The following OR4D1 variants were observed in gnomAD, a reference collection of about 807,000 sequenced individuals.
OR4D1 encodes the protein olfactory receptor 4D1.
OR4D1 carries 10 observed loss-of-function variants against 14.2 expected under a neutral mutation model. The ratio of observed to expected loss-of-function variants is 0.71; its 90% confidence interval spans 0.44 to 1.20. The LOEUF (loss-of-function observed/expected upper bound fraction) is 1.20, where lower values mean the gene tolerates loss of function less well. Ranked by LOEUF, OR4D1 falls within the 50% of genes most tolerant of loss-of-function variation. The pLI is 0.00. For missense variants in OR4D1, 345 were observed against 376.6 expected (o/e 0.92, Z 0.70); for synonymous variants, 141 against 147.4 (o/e 0.96, Z 0.32).
At chr17:58,150,159 A>ACTG (rs2143655337) in intron 2 of OR4D1, among the ~76,000 whole-genome samples, 1 of 152,318 alleles carries the variant, frequency 6.6e-6, no homozygotes, top group East Asian at 1.9e-4. Flanking sequence ...TACTACTACT[A>ACTG]TTAAGTGGCA....
Position 58,158,015 on chromosome 17 carries a change from G to T in OR4D1, c.*1929G>T. The T allele has an allele frequency of 9.7e-6, 4 of 411,620 alleles. No individual in the cohort carries two copies. Among genetic ancestry groups the T allele is most frequent in the Non-Finnish European group, 1.7e-5 (4 of 230,588 alleles). The allele number at this position is 411,620 out of a possible 1,614,324, so 25.5% of individuals were successfully genotyped here. On this transcript the variant is annotated 3_prime_UTR_variant, in exon 4 of 4. Transcript: ENST00000268912. ...TTGTTTTCTTGGTGTAATCTTCCAG[G>T]TGCCCCCTTCTCCTTTCACAAAGAT...
At chr17:58,154,131 A>AT (rs889376118) in intron 3 of OR4D1, among the ~76,000 whole-genome samples, 168 bp downstream of exon 3, 6 of 150,076 alleles carry the variant, frequency 4.0e-5, no homozygotes, top group East Asian at 2.0e-4. Flanking sequence ...TAATTTTTAA[A>AT]TTTTTTTTAT....
In OR4D1 at chr17:58,155,256, T is replaced by A. The variant is rs748254475; in HGVS notation, c.103T>A (p.Tyr35Asn). Residue 35 changes from tyrosine (Y) to asparagine (N), a missense_variant, in exon 4 of 4, where the codon TAT becomes AAT. Transcript: ENST00000268912. Reference sequence around the variant, plus strand: ...CCTGTTCCTTCTGTTCCTGTTAGTCTATGTTACCACCATTGTGGGAAACCT... The same window carrying A: ...CCTGTTCCTTCTGTTCCTGTTAGTCAATGTTACCACCATTGTGGGAAACCT... ...KFLFLLFLLV[Y>N]VTTIVGNLLI... 60 of 1,614,092 alleles carry A rather than the reference T, an allele frequency of 3.7e-5. No homozygotes were observed. In the Middle Eastern group the frequency reaches 2.3e-3, roughly 62 times the overall value.
rs71372828 is a variant in OR4D1 at position 58,155,807 on chromosome 17, T to C, written c.654T>C (p.Tyr218=). ...IIWFLLLLIS[Y]TVILVMLRSH... is the part of the protein sequence containing the mutation. The stretch of plus-strand genomic sequence containing the variant: ...GGTTCCTCCTCCTTCTGATCTCTTA[T>C]ACTGTCATCCTGGTGATGCTGAGGT... The change falls in exon 4 of 4, where the codon TAT becomes TAC. Residue 218 remains tyrosine, a synonymous_variant. Coordinates refer to ENST00000268912, the MANE Select transcript of OR4D1 (RefSeq NM_001386095.1). 2.5e-6 allele frequency: 4 copies of C among 1,614,186 alleles called. No individual in the cohort carries two copies. The highest frequency in any genetic ancestry group is 1.1e-5 in the South Asian group (1 of 91,082).
chr17:58,155,965 T>C lies in OR4D1; in HGVS notation c.812T>C (p.Val271Ala). ...PFTPFLMDKA[V>A]SISYTVMTPM... is the part of the protein sequence containing the mutation. Reference sequence around the variant, plus strand: ...ACCCCATTCCTCATGGACAAGGCTGTGTCCATCAGCTACACAGTCATGACC... The same window carrying C: ...ACCCCATTCCTCATGGACAAGGCTGCGTCCATCAGCTACACAGTCATGACC... Residue 271 changes from valine to alanine, a missense_variant, in exon 4 of 4, where the codon GTG becomes GCG. Coordinates refer to ENST00000268912, the MANE Select transcript of OR4D1 (RefSeq NM_001386095.1). The C allele has an allele frequency of 6.2e-7, 1 of 1,614,042 alleles. No homozygotes were observed. Among genetic ancestry groups the C allele is most frequent in the South Asian group, 1.1e-5 (1 of 91,072 alleles).
Position 58,155,888 on chromosome 17 carries a change from C to T in OR4D1, c.735C>T (p.Ile245=), listed in dbSNP as rs768307995. Residue 245 remains isoleucine (I), a synonymous_variant, in exon 4 of 4, where the codon ATC becomes ATT. Coordinates refer to ENST00000268912, the MANE Select transcript of OR4D1 (RefSeq NM_001386095.1). ...CTTCCACCTGCACCACCCACATCAT[C>T]GTGGTGTCCATGATCTTCATTCCCT... is the stretch of plus-strand genomic sequence containing the variant. The part of the protein sequence containing the change: ...KAASTCTTHI[I]VVSMIFIPCI... 15 of 1,614,008 alleles carry T rather than the reference C, an allele frequency of 9.3e-6. No homozygotes were observed. The highest frequency in any genetic ancestry group is 1.3e-5 in the Non-Finnish European group (15 of 1,179,996).
chr17:58,151,938 G>A (rs1008338131), intron 2 of OR4D1, among the ~76,000 whole-genome samples: 3 of 152,042 alleles, frequency 2.0e-5, no homozygotes, highest in African/African-American at 7.2e-5. Flanking sequence ...TATGGATTTG[G>A]CACATATTTT....
chr17:58,153,683 T>G (rs1967729554), intron 2 of OR4D1, among the ~76,000 whole-genome samples, 174 bp from the exon 3 acceptor site: 1 of 152,194 alleles, frequency 6.6e-6, no homozygotes, highest in Non-Finnish European at 1.5e-5. Flanking sequence ...GGATGGGGCC[T>G]TGGGACAAAT....
At chr17:58,152,257 G>A (rs182628731) in intron 2 of OR4D1, among the ~76,000 whole-genome samples, 4 of 152,128 alleles carry the variant, frequency 2.6e-5, no homozygotes, top group Non-Finnish European at 5.9e-5. Context: ...TGGCCGCCTC[G>A]GCCTCTCAAA....
In OR4D1 at chr17:58,158,324, A is replaced by G. The variant is rs1967804230; in HGVS notation, c.*2238A>G. 1 of 152,222 alleles carries G rather than the reference A, an allele frequency of 6.6e-6. No homozygotes were observed. The highest frequency in any genetic ancestry group is 1.9e-4 in the East Asian group (1 of 5,206). 9.4% of individuals were successfully genotyped at this position (152,222 alleles called of 1,614,324 possible). On this transcript the variant is annotated 3_prime_UTR_variant, in exon 4 of 4. Transcript: ENST00000268912. ...TATTAGAATTGGACATAATGCACAT[A>G]GAAAGTATTAGATATGGAGAGGTTT...
Position 58,153,908 on chromosome 17 carries a change from TCTC to T in OR4D1, c.-72_-70del, listed in dbSNP as rs1967733625. Among the ~76,000 whole-genome samples the T allele has an allele frequency of 6.6e-6, 1 of 152,156 alleles. No individual in the cohort carries two copies. Among genetic ancestry groups the T allele is most frequent in the African/African-American group, 2.4e-5 (1 of 41,428 alleles). ...CCATAATAGCTCACTGCAGCCTTGA[TCTC>T]CTGGGCTCAAGCAATCCTTCCACCT... On this transcript the variant is annotated 5_prime_UTR_variant, in exon 3 of 4. Transcript: ENST00000268912.
Position 58,156,223 on chromosome 17 carries a change from G to A in OR4D1, c.*137G>A, listed in dbSNP as rs1967771574. 2 of 641,650 alleles carry A rather than the reference G, an allele frequency of 3.1e-6. No homozygotes were observed. The highest frequency in any genetic ancestry group is 5.5e-5 in the East Asian group (2 of 36,508). 39.7% of individuals were successfully genotyped at this position (641,650 alleles called of 1,614,324 possible). A position where few individuals can be genotyped will look rare whatever the true frequency, so the allele number is the denominator to read the frequency against. On this transcript the variant is annotated 3_prime_UTR_variant, in exon 4 of 4. Coordinates refer to ENST00000268912, the MANE Select transcript of OR4D1 (RefSeq NM_001386095.1). ...TCTTGAGGACCTAGTGCTGTGTCAA[G>A]TACTGTGTTAAGCACTTCCACGCTT...
At position 58,153,295 on chromosome 17, in the gene OR4D1, C is replaced by A. The variant is rs1296288291; in HGVS notation, c.-126-562C>A. ...ATAAGCCCATTCTAACCCTGTTTTA[C>A]CACATCATTTCCTGCTGAAGAGCTT... is the stretch of plus-strand genomic sequence containing the variant. On this transcript the variant is annotated intron_variant, in intron 2 of 3. Coordinates refer to ENST00000268912, the MANE Select transcript of OR4D1 (RefSeq NM_001386095.1). Among the ~76,000 whole-genome samples, 3 of 152,346 alleles carry A rather than the reference C, an allele frequency of 2.0e-5. No individual in the cohort carries two copies. The East Asian group carries it at 5.8e-4, about 29-fold the overall frequency.
chr17:58,154,356 T>A (rs1967739409), intron 3 of OR4D1, among the ~76,000 whole-genome samples: 1 of 151,786 alleles, frequency 6.6e-6, no homozygotes, highest in South Asian at 2.1e-4. Flanking sequence ...TCCCAAAGAT[T>A]GTCGAGGGAT....
Position 58,153,981 on chromosome 17 carries a change from C to A in OR4D1, c.-20+18C>A, listed in dbSNP as rs1967734717. 6.6e-6 allele frequency among the ~76,000 whole-genome samples: 1 copy of A among 152,156 alleles called. No homozygotes were observed. The highest frequency in any genetic ancestry group is 2.4e-5 in the African/African-American group (1 of 41,450). On this transcript the variant is annotated intron_variant, in intron 3 of 3. Coordinates refer to ENST00000268912, the MANE Select transcript of OR4D1 (RefSeq NM_001386095.1). ...GACTACAGGTATGCACTACCATGCC[C>A]AGGTAACTTTTAAAATTTTTGTAGA... is the stretch of plus-strand genomic sequence containing the variant.
Position 58,155,602 on chromosome 17 carries a change from T to C in OR4D1, c.449T>C (p.Val150Ala), listed in dbSNP as rs1032289671. The C allele has an allele frequency of 1.2e-5, 19 of 1,614,058 alleles. No homozygotes were observed. Among genetic ancestry groups the C allele is most frequent in the Non-Finnish European group, 1.5e-5 (18 of 1,180,006 alleles). Residue 150 changes from valine (V) to alanine (A), a missense_variant, in exon 4 of 4, where the codon GTG becomes GCG. Coordinates refer to ENST00000268912, the MANE Select transcript of OR4D1 (RefSeq NM_001386095.1). Reference sequence around the variant, plus strand: ...GTGGGCCTGGTAGTAGCCGCCTGGGTGGGGGGCTTTGTCCACTCCATTGTC... The same window carrying C: ...GTGGGCCTGGTAGTAGCCGCCTGGGCGGGGGGCTTTGTCCACTCCATTGTC... ...LCVGLVVAAWVGGFVHSIVQL... is the reference protein window; with the variant it reads ...LCVGLVVAAWAGGFVHSIVQL...
At position 58,159,220 on chromosome 17, in the gene OR4D1, T is replaced by G. The variant is rs1967819668; in HGVS notation, c.*3134T>G. On this transcript the variant is annotated 3_prime_UTR_variant, in exon 4 of 4. Transcript: ENST00000268912. Reference sequence around the variant, plus strand: ...AAATACTCTTTGGATAATCTTCACATTGTGCTACTTAGCTGAAATGGCTTA... The same window carrying G: ...AAATACTCTTTGGATAATCTTCACAGTGTGCTACTTAGCTGAAATGGCTTA... The G allele has an allele frequency of 6.6e-6, 1 of 152,240 alleles. No individual in the cohort carries two copies. The highest frequency in any genetic ancestry group is 1.5e-5 in the Non-Finnish European group (1 of 68,038). 9.4% of individuals were successfully genotyped at this position (152,240 alleles called of 1,614,324 possible). A position where few individuals can be genotyped will look rare whatever the true frequency, so the allele number is the denominator to read the frequency against.
Position 58,156,997 on chromosome 17 carries a change from A to G in OR4D1, c.*911A>G. 1 of 800,626 alleles carries G rather than the reference A, an allele frequency of 1.2e-6. No homozygotes were observed. Among genetic ancestry groups the G allele is most frequent in the Non-Finnish European group, 2.1e-6 (1 of 482,362 alleles). 49.6% of individuals were successfully genotyped at this position (800,626 alleles called of 1,614,324 possible). ...GTTGCTAGCGGAGTCGCGCGTCGGGAGCTACGTAGGGCAGGGAAGGCATGG... is the reference window on the plus strand; with the variant it reads ...GTTGCTAGCGGAGTCGCGCGTCGGGGGCTACGTAGGGCAGGGAAGGCATGG... On this transcript the variant is annotated 3_prime_UTR_variant, in exon 4 of 4. Coordinates refer to ENST00000268912, the MANE Select transcript of OR4D1 (RefSeq NM_001386095.1).
Position 58,155,786 on chromosome 17 carries a change from C to G in OR4D1, c.633C>G (p.Phe211Leu). 6.2e-7 allele frequency: 1 copy of G among 1,614,162 alleles called. No homozygotes were observed. The highest frequency in any genetic ancestry group is 8.5e-7 in the Non-Finnish European group (1 of 1,180,004). Residue 211 changes from phenylalanine to leucine, a missense_variant, in exon 4 of 4, where the codon TTC becomes TTG. Transcript: ENST00000268912. ...GTGGGCTGCTAGTTATCATCTGGTT[C>G]CTCCTCCTTCTGATCTCTTATACTG... ...SNSGLLVIIW[F>L]LLLLISYTVI...
Sources: gnomAD v4.1 joint callset for allele counts (sites outside exome capture counted in the v4.1 genomes callset) on GRCh38, gnomAD v4.1.1 for gene constraint, MANE v1.5 for transcripts, NCBI Gene and HGNC (gene_info 2026-07-23, HGNC 2026-07-21) for gene names.